The following NDUFAF6 variants were observed in gnomAD, a reference collection of about 807,000 sequenced individuals.
NDUFAF6 encodes NADH dehydrogenase (ubiquinone) complex I, assembly factor 6.
A neutral mutation model predicts 40.8 loss-of-function variants in NDUFAF6; 45 were observed. That is an observed-to-expected ratio of 1.10 (90% CI 0.87 to 1.42). The LOEUF (loss-of-function observed/expected upper bound fraction) is 1.42. Among genes scored for constraint, NDUFAF6 ranks in the 40% most tolerant of loss-of-function variants. The pLI is 0.00. For synonymous variants in NDUFAF6, 185 were observed against 155.9 expected, an observed-to-expected ratio of 1.19 and a Z score of -1.39; for missense variants, 435 against 418.5, an observed-to-expected ratio of 1.04 and a Z score of -0.34.
At position 94,922,627 on chromosome 8, in the gene NDUFAF6, C is replaced by T. The variant is rs553956451; in HGVS notation, c.-935-22856C>T. ...CTGAGTAGCTGGGATTACAGGTGCCCGGCACCACACCCAACTAATTTTTGT... is the reference window on the plus strand; with the variant it reads ...CTGAGTAGCTGGGATTACAGGTGCCTGGCACCACACCCAACTAATTTTTGT... On this transcript the variant is annotated intron_variant, in intron 1 of 14. Coordinates refer to the NDUFAF6 transcript ENST00000396113. 8.6e-5 allele frequency among the ~76,000 whole-genome samples: 13 copies of T among 151,990 alleles called. 1 individual carries two copies. The highest frequency in any genetic ancestry group is 8.3e-4 in the South Asian group (4 of 4,800).
intron 2 of NDUFAF6, among the ~76,000 whole-genome samples, chr8:95,002,270 T>A (rs989828246): frequency 3.3e-5 from 5 of 152,250 alleles, no homozygotes; most frequent in African/African-American, 1.2e-4. Context: ...TATGTTACTT[T>A]CTTTCTTCTC....
chr8:95,113,914 C>A (rs1195145316), intron 4 of NDUFAF6, among the ~76,000 whole-genome samples: 2 of 150,758 alleles, frequency 1.3e-5, no homozygotes, highest in East Asian at 3.9e-4. Context: ...GAACAAAAAA[C>A]CAAACACCGC....
At chr8:94,910,577 A>G (rs1818715742) in intron 1 of NDUFAF6, among the ~76,000 whole-genome samples, 2 of 151,760 alleles carry the variant, frequency 1.3e-5, no homozygotes, top group African/African-American at 4.8e-5. Context: ...AGAATCTAAA[A>G]GAATCTTGCC....
chr8:94,934,476 C>T (rs2131334544), intron 1 of NDUFAF6, among the ~76,000 whole-genome samples: 1 of 151,886 alleles, frequency 6.6e-6, no homozygotes, highest in East Asian at 1.9e-4. Flanking sequence ...ACCTCTGCCT[C>T]CCGGGTTCAA....
intron 2 of NDUFAF6, among the ~76,000 whole-genome samples, chr8:94,949,622 C>T (rs1428893663): frequency 6.6e-6 from 1 of 151,938 alleles, no homozygotes; most frequent in Non-Finnish European, 1.5e-5. Context: ...GGGGCTAGGC[C>T]GGGGAGGGAA....
At chr8:95,018,409 TATTCATTC>T (rs199744511) in intron 2 of NDUFAF6, among the ~76,000 whole-genome samples, 17 of 151,926 alleles carry the variant, frequency 1.1e-4, no homozygotes, top group Non-Finnish European at 1.5e-4. Context: ...CATTACCTCC[TATTCATTC>T]ATTCATTCAT....
At chr8:94,953,140 G>A (rs1041629124), upstream of NDUFAF6, among the ~76,000 whole-genome samples, 1 of 152,164 alleles carries the variant, frequency 6.6e-6, no homozygotes, top group African/African-American at 2.4e-5. Context: ...CTGAGGTCGG[G>A]AGTTCAAGAC....
chr8:94,956,162 C>G (rs888845719), upstream of NDUFAF6, among the ~76,000 whole-genome samples: 11 of 152,082 alleles, frequency 7.2e-5, no homozygotes, highest in African/African-American at 2.7e-4. Flanking sequence ...TCAGTGGTTC[C>G]GAGGTTAATG....
intron 2 of NDUFAF6, among the ~76,000 whole-genome samples, chr8:95,003,860 T>C (rs76148692): frequency 0.015 from 2,275 of 152,304 alleles, 68 homozygotes; most frequent in African/African-American, 0.049. Context: ...CTGGCATTAA[T>C]TACATTCATG....
Position 95,025,003 on chromosome 8 carries a change from G to A in NDUFAF6, c.-6G>A. ...GGGGGGTCGAAGGGCACGCAGTGCC[G>A]GCGTCATGGCGGCCTCCGCGCACGG... On this transcript the variant is annotated 5_prime_UTR_variant, in exon 1 of 9. Transcript: ENST00000396124. 7.5e-7 allele frequency: 1 copy of A among 1,340,770 alleles called. No homozygotes were observed. Among genetic ancestry groups the A allele is most frequent in the Non-Finnish European group, 9.5e-7 (1 of 1,053,966 alleles). 83.1% of individuals were successfully genotyped at this position (1,340,770 alleles called of 1,614,324 possible).
chr8:94,916,243 A>C lies in NDUFAF6; in HGVS notation c.-936+20316A>C, dbSNP rs138738551. Among the ~76,000 whole-genome samples, 18 of 152,346 alleles carry C rather than the reference A, an allele frequency of 1.2e-4. No homozygotes were observed. The East Asian group carries it at 3.3e-3, about 28-fold the overall frequency. On this transcript the variant is annotated intron_variant, in intron 1 of 14. Coordinates refer to the NDUFAF6 transcript ENST00000396113. Reference sequence around the variant, plus strand: ...TCTGTTGTTTCTCAGTAGCACATTCAACATGGAATCGGAGGTGGTCCTGAC... The same window carrying C: ...TCTGTTGTTTCTCAGTAGCACATTCCACATGGAATCGGAGGTGGTCCTGAC...
At chr8:95,015,676 A>G (rs781180677) in intron 2 of NDUFAF6, among the ~76,000 whole-genome samples, 3 of 152,246 alleles carry the variant, frequency 2.0e-5, no homozygotes, top group Non-Finnish European at 2.9e-5. Flanking sequence ...AATATAGTAG[A>G]AGAACCAAAC....
chr8:95,025,561 C>G (rs992943082), intron 1 of NDUFAF6, among the ~76,000 whole-genome samples: 2 of 152,168 alleles, frequency 1.3e-5, no homozygotes, highest in African/African-American at 4.8e-5. Flanking sequence ...TTTCTGTGTG[C>G]CTGGCATTAT....
chr8:95,054,236 C>T (rs1016737170), intron 8 of NDUFAF6, among the ~76,000 whole-genome samples: 9 of 151,546 alleles, frequency 5.9e-5, no homozygotes, highest in Non-Finnish European at 7.4e-5. Context: ...CATAAAACAC[C>T]GTGCCCAGCC....
At chr8:95,079,615 A>G (rs373335597), downstream of NDUFAF6, among the ~76,000 whole-genome samples, 72 of 152,348 alleles carry the variant, frequency 4.7e-4, no homozygotes, top group African/African-American at 1.7e-3. Context: ...AGAAGGAGGA[A>G]ATTTATTGAC....
intron 1 of NDUFAF6, among the ~76,000 whole-genome samples, chr8:94,941,519 C>A (rs905955132): frequency 2.0e-5 from 3 of 152,356 alleles, no homozygotes; most frequent in Non-Finnish European, 2.9e-5. Context: ...CTCATTTTCT[C>A]TTCTACTCTG....
chr8:95,055,811 G>GGT (rs1832049057), intron 8 of NDUFAF6, among the ~76,000 whole-genome samples: 1 of 151,922 alleles, frequency 6.6e-6, no homozygotes, highest in Non-Finnish European at 1.5e-5. Context: ...TATCTGTCTA[G>GGT]GTATATATAT....
chr8:95,035,374 C>T (rs1829371345), intron 2 of NDUFAF6, 80 bp from the exon 3 acceptor site: 3 of 1,482,676 alleles, frequency 2.0e-6, no homozygotes, highest in Admixed American at 1.7e-5. Context: ...GTTACATTAA[C>T]TCAAAAAATT....
intron 2 of NDUFAF6, among the ~76,000 whole-genome samples, chr8:94,946,231 T>C (rs1253072984): frequency 6.6e-6 from 1 of 152,102 alleles, no homozygotes; most frequent in Non-Finnish European, 1.5e-5. Context: ...ATTACATGAG[T>C]AGAGATGCTT....
Sources: allele counts gnomAD v4.1 joint callset (sites outside exome capture counted in the v4.1 genomes callset), GRCh38; gene constraint gnomAD v4.1.1; transcripts MANE v1.5; gene names NCBI Gene and HGNC (gene_info 2026-07-23, HGNC 2026-07-21).